Variants in APBA1 observed in about 807,000 individuals in gnomAD.
The protein encoded by APBA1 is amyloid beta precursor protein binding family A member 1.
APBA1 carries 55 observed loss-of-function variants against 86.6 expected under a neutral mutation model. The observed-to-expected ratio is 0.64, with a 90% CI of 0.51 to 0.80. The LOEUF (loss-of-function observed/expected upper bound fraction) is 0.80, where lower values mean the gene tolerates loss of function less well. APBA1 is among the 30% of genes least tolerant of loss of function. The pLI is 0.00. For missense variants in APBA1, 1,090 were observed against 1,183.0 expected, an observed-to-expected ratio of 0.92 and a Z score of 1.15; for synonymous variants, 511 against 493.9, an observed-to-expected ratio of 1.03 and a Z score of -0.46.
chr9:69,436,479 T>C (rs1230589673), intron 11 of APBA1, among the ~76,000 whole-genome samples: 2 of 151,936 alleles, frequency 1.3e-5, no homozygotes, highest in African/African-American at 2.4e-5. Context: ...TAGTTCTCCT[T>C]GAAGAGGTCC....
At chr9:69,435,419 A>C (rs1402253875) in intron 11 of APBA1, among the ~76,000 whole-genome samples, 1 of 151,992 alleles carries the variant, frequency 6.6e-6, no homozygotes, top group Non-Finnish European at 1.5e-5. Context: ...CAACAGTGTA[A>C]AAGTGTTCGT....
chr9:69,488,206 T>C (rs1254614065), intron 2 of APBA1, among the ~76,000 whole-genome samples: 1 of 151,998 alleles, frequency 6.6e-6, no homozygotes, highest in Non-Finnish European at 1.5e-5. Flanking sequence ...GAAAACTGAG[T>C]CAGTCCTTAA....
intron 10 of APBA1, among the ~76,000 whole-genome samples, chr9:69,445,767 T>C (rs77027156): frequency 3.3e-5 from 5 of 152,186 alleles, no homozygotes; most frequent in African/African-American, 1.2e-4. Flanking sequence ...ACTCTAGAAA[T>C]TGATTTCCTG....
chr9:69,505,740 G>A (rs973583538), intron 2 of APBA1, among the ~76,000 whole-genome samples: 8 of 152,104 alleles, frequency 5.3e-5, no homozygotes, highest in Admixed American at 3.3e-4. Flanking sequence ...TCTTCAGGCC[G>A]GGTGTGGTGG....
At chr9:69,440,417 G>C (rs1221612831) in intron 11 of APBA1, among the ~76,000 whole-genome samples, 1 of 151,764 alleles carries the variant, frequency 6.6e-6, no homozygotes, top group Non-Finnish European at 1.5e-5. Flanking sequence ...TCCTTGAGCT[G>C]TAGTGGGCTC....
chr9:69,506,168 C>A (rs1338130808), intron 2 of APBA1, among the ~76,000 whole-genome samples: 1 of 151,832 alleles, frequency 6.6e-6, no homozygotes, highest in Non-Finnish European at 1.5e-5. Flanking sequence ...GGGTTCATCT[C>A]ACTAGGGAGT....
Position 69,516,538 on chromosome 9 carries a change from C to A in APBA1, c.673G>T (p.Ala225Ser). Residue 225 changes from alanine (A) to serine (S), a missense_variant, in exon 2 of 13, where the codon GCG (alanine) becomes TCG (serine). Physicochemically the swap from Ala to Ser is moderately conservative, Grantham distance 99. Around this residue, in one of 6 missense-constraint regions of APBA1, gnomAD observed 678 missense variants for 647.1 expected, o/e 1.05. Transcript: ENST00000265381. This position sits in a 1 kb window ranked among gnomAD's most constrained non-coding sequence, Gnocchi z 7.3. The stretch of plus-strand genomic sequence containing the variant: ...GCGCCCAGGGCCTCCTGGCGGTACG[C>A]GGCCGCCTCGTCGCGCTCCTGCTCG... ...LYEQERDEAA[A>S]YRQEALGARL... is the part of the protein sequence containing the mutation. 6.3e-7 allele frequency: 1 copy of A among 1,594,638 alleles called. No individual in the cohort carries two copies. The highest frequency in any genetic ancestry group is 8.5e-7 in the Non-Finnish European group (1 of 1,176,378).
intron 2 of APBA1, among the ~76,000 whole-genome samples, chr9:69,511,580 C>T (rs1043181542): frequency 6.6e-6 from 1 of 151,662 alleles, no homozygotes; most frequent in Non-Finnish European, 1.5e-5. Context: ...TGGGTATATA[C>T]CCAGAGGACT....
At chr9:69,595,487 T>A (rs912936840) in intron 1 of APBA1, among the ~76,000 whole-genome samples, 1 of 152,238 alleles carries the variant, frequency 6.6e-6, no homozygotes, top group African/African-American at 2.4e-5. Context: ...TCAAGAAATA[T>A]TCTAGCGGAT....
intron 1 of APBA1, among the ~76,000 whole-genome samples, chr9:69,535,122 T>C (rs1441218823): frequency 6.6e-6 from 1 of 152,222 alleles, no homozygotes; most frequent in East Asian, 1.9e-4. Context: ...CTGATGCTTT[T>C]TTCATAGGTT....
At chr9:69,568,188 C>A (rs887512845) in intron 1 of APBA1, among the ~76,000 whole-genome samples, 2 of 152,060 alleles carry the variant, frequency 1.3e-5, no homozygotes, top group Non-Finnish European at 1.5e-5. Flanking sequence ...TGAGAATGTC[C>A]CCCATGCCCT....
intron 1 of APBA1, among the ~76,000 whole-genome samples, chr9:69,537,406 A>C (rs1836530809): frequency 6.6e-6 from 1 of 152,104 alleles, no homozygotes; most frequent in African/African-American, 2.4e-5. Context: ...ACAGGTGCAC[A>C]GCCTGTCTAG....
rs779568694 is a variant in APBA1 at position 69,517,061 on chromosome 9, G to A, written c.150C>T (p.Arg50=). 2 of 1,584,228 alleles carry A rather than the reference G, an allele frequency of 1.3e-6. No homozygotes were observed. Among genetic ancestry groups the A allele is most frequent in the East Asian group, 4.5e-5 (2 of 44,038 alleles). Residue 50 remains arginine, a synonymous_variant, in exon 2 of 13, where the codon CGC becomes CGT. Transcript: ENST00000265381. ...CCTCGAGGGCTCGCCCGCGCTGGTG[G>A]CGGCCCACATAGTGCTGCTGCTGCG... ...QPPQQQHYVG[R]HQRGRALEDL...
chr9:69,522,929 C>G (rs1836276682), intron 1 of APBA1, among the ~76,000 whole-genome samples: 1 of 152,172 alleles, frequency 6.6e-6, no homozygotes, highest in South Asian at 2.1e-4. Flanking sequence ...TAGTCCCCTC[C>G]TCAGGGACAC....
At chr9:69,625,239 T>C (rs1418856678) in intron 1 of APBA1, among the ~76,000 whole-genome samples, 1 of 152,178 alleles carries the variant, frequency 6.6e-6, no homozygotes, top group African/African-American at 2.4e-5. Context: ...TTTTTGACAA[T>C]GGGATCTTTG....
chr9:69,466,003 A>G (rs1835272384), intron 5 of APBA1, among the ~76,000 whole-genome samples: 1 of 152,082 alleles, frequency 6.6e-6, no homozygotes, highest in African/African-American at 2.4e-5. Context: ...GACAACAGTC[A>G]CTCTTGAGGC....
intron 1 of APBA1, among the ~76,000 whole-genome samples, chr9:69,604,008 A>G (rs1227480285): frequency 1.3e-5 from 2 of 152,268 alleles, no homozygotes; most frequent in Non-Finnish European, 2.9e-5. Context: ...TTGTTGTTTA[A>G]TATTCCCCGG....
At chr9:69,602,396 C>T (rs1822368868) in intron 1 of APBA1, among the ~76,000 whole-genome samples, 1 of 151,976 alleles carries the variant, frequency 6.6e-6, no homozygotes, top group Admixed American at 6.6e-5. Flanking sequence ...ATGGTGAAAC[C>T]CCGTCTCTAC....
chr9:69,530,366 CTA>C (rs1836412018), intron 1 of APBA1, among the ~76,000 whole-genome samples: 2 of 147,464 alleles, frequency 1.4e-5, no homozygotes, highest in African/African-American at 5.0e-5. Context: ...ACATGCAACA[CTA>C]TGGAATACTA....
Sources: allele counts gnomAD v4.1 joint callset (sites outside exome capture counted in the v4.1 genomes callset), GRCh38; gene constraint gnomAD v4.1.1; regional missense constraint gnomAD v4.1.1; non-coding constraint Gnocchi (gnomAD v3.1); transcripts MANE v1.5; gene names NCBI Gene and HGNC (gene_info 2026-07-23, HGNC 2026-07-21).